MAST2: variants seen among roughly 807,000 people sequenced by gnomAD.
MAST2 encodes the protein microtubule-associated serine/threonine-protein kinase 2.
A neutral mutation model predicts 147.4 loss-of-function variants in MAST2; 70 were observed. The ratio of observed to expected loss-of-function variants is 0.47; its 90% CI spans 0.39 to 0.58. The LOEUF (loss-of-function observed/expected upper bound fraction) is 0.58. Among genes scored for constraint, MAST2 ranks in the 20% least tolerant of loss-of-function variants. The pLI is 0.00. For synonymous variants in MAST2, 869 were observed against 896.8 expected (o/e 0.97, Z 0.55); for missense variants, 2,080 against 2,302.3 (o/e 0.90, Z 1.98).
intron 5 of MAST2, among the ~76,000 whole-genome samples, chr1:45,994,022 G>C (rs1400497222): frequency 6.6e-6 from 1 of 152,146 alleles, no homozygotes; most frequent in Non-Finnish European, 1.5e-5. Context: ...CCAACACAAA[G>C]CTTCCAGTGC....
chr1:46,030,643 G>A lies in MAST2; in HGVS notation c.2590G>A (p.Glu864Lys). 4.3e-6 allele frequency: 7 copies of A among 1,611,668 alleles called. No individual in the cohort carries two copies. Among genetic ancestry groups the A allele is most frequent in the Non-Finnish European group, 5.9e-6 (7 of 1,179,318 alleles). ...SSMERLSLLE[E>K]RRTPPPTKRS... ...CATGGAGCGGCTCTCACTGCTCGAG[G>A]AGCGCCGGACACCACCCCCGACCAA... Residue 864 changes from glutamate to lysine, a missense_variant, in exon 22 of 29, where the codon GAG (glutamate) becomes AAG (lysine). By Grantham distance (56) the Glu-to-Lys change is moderately conservative. Around this residue, in one of 4 missense-constraint regions of MAST2, gnomAD observed 1,278 missense variants for 1,304.2 expected, o/e 0.98. Transcript: ENST00000361297.
chr1:45,972,575 G>A (rs942892611), intron 5 of MAST2, among the ~76,000 whole-genome samples: 1 of 152,136 alleles, frequency 6.6e-6, no homozygotes, highest in Non-Finnish European at 1.5e-5. Context: ...TCCCTGACAC[G>A]TATAGACTCC....
At chr1:45,850,988 C>T (rs1044522848) in intron 3 of MAST2, among the ~76,000 whole-genome samples, 3 of 151,906 alleles carry the variant, frequency 2.0e-5, no homozygotes, top group African/African-American at 7.3e-5. Context: ...ATAGTTCTTT[C>T]TAGTTCTGTG....
intron 1 of MAST2, among the ~76,000 whole-genome samples, chr1:45,823,957 GCTC>G (rs1644714781): frequency 6.6e-6 from 1 of 151,952 alleles, no homozygotes; most frequent in African/African-American, 2.4e-5. Context: ...CCTGTATTTA[GCTC>G]CTCTTATAGG....
In MAST2 at chr1:46,030,727, C is replaced by A; in HGVS notation, c.2674C>A (p.Arg892=). The A allele has an allele frequency of 1.9e-6, 3 of 1,596,640 alleles. No homozygotes were observed. ...HSDGLAGLKG[R]DRSWVIGSPE... is the part of the protein sequence containing the mutation. ...AGATGGCCTGGCAGGGCTCAAAGGC[C>A]GAGACCGGAGCTGGGTGATTGGCTC... Residue 892 remains arginine (R), a synonymous_variant, in exon 22 of 29, where the codon CGA becomes AGA. Coordinates refer to ENST00000361297, the MANE Select transcript of MAST2 (RefSeq NM_015112.3).
Position 46,028,892 on chromosome 1 carries a change from T to C in MAST2, c.2177T>C (p.Phe726Ser). The C allele has an allele frequency of 6.2e-7, 1 of 1,611,604 alleles. No individual in the cohort carries two copies. The highest frequency in any genetic ancestry group is 8.5e-7 in the Non-Finnish European group (1 of 1,178,960). The change falls in exon 18 of 29, where the codon TTT becomes TCT. Residue 726 changes from phenylalanine to serine, a missense_variant. Transcript: ENST00000361297. ...TTCCTGGTGGGCTGCGTCCCTTTTTTTGGAGATACTCCGGAGGAGCTCTTT... is the reference window on the plus strand; with the variant it reads ...TTCCTGGTGGGCTGCGTCCCTTTTTCTGGAGATACTCCGGAGGAGCTCTTT... ...YEFLVGCVPF[F>S]GDTPEELFGQ...
chr1:45,820,596 C>T (rs772454528), intron 1 of MAST2, among the ~76,000 whole-genome samples: 19 of 151,972 alleles, frequency 1.3e-4, no homozygotes, highest in Admixed American at 2.0e-4. Context: ...TTTTTTAATG[C>T]TTTTGTCTTT....
intron 16 of MAST2, 69 bp downstream of exon 16, chr1:46,025,884 C>T (rs1455499485): frequency 9.5e-6 from 15 of 1,586,066 alleles, no homozygotes; most frequent in Non-Finnish European, 1.3e-5. Context: ...TGTTGGCAAG[C>T]ACAGTAGCTC....
intron 5 of MAST2, among the ~76,000 whole-genome samples, chr1:45,972,379 ACCCAGAAGAGGG>A (rs1643948501): frequency 1.3e-5 from 2 of 152,196 alleles, no homozygotes; most frequent in Non-Finnish European, 2.9e-5. Context: ...TTTACTCCAT[ACCCAGAAGAGGG>A]GAAAAGTTTC....
intron 4 of MAST2, among the ~76,000 whole-genome samples, chr1:45,941,835 A>G (rs1047483064): frequency 3.9e-5 from 6 of 152,212 alleles, no homozygotes; most frequent in African/African-American, 1.4e-4. Flanking sequence ...ATCTATTGAG[A>G]TGGTTGTGTA....
chr1:45,989,973 A>G (rs557833410), intron 5 of MAST2, among the ~76,000 whole-genome samples: 1 of 152,340 alleles, frequency 6.6e-6, no homozygotes, highest in Non-Finnish European at 1.5e-5. Flanking sequence ...ATGTTTATCC[A>G]TCATCTATTG....
At chr1:45,806,276 T>C (rs138194967) in intron 1 of MAST2, among the ~76,000 whole-genome samples, 63 of 152,374 alleles carry the variant, frequency 4.1e-4, no homozygotes, top group South Asian at 2.5e-3. Flanking sequence ...TGTGTACTGT[T>C]TTGTGACCAG....
At chr1:45,832,147 A>G (rs950181112) in intron 3 of MAST2, among the ~76,000 whole-genome samples, 3 of 152,068 alleles carry the variant, frequency 2.0e-5, no homozygotes, top group African/African-American at 2.4e-5. Context: ...TGGTCCCAAC[A>G]TGTCTATTAA....
At chr1:45,901,428 G>A (rs1649745085) in intron 4 of MAST2, among the ~76,000 whole-genome samples, 1 of 152,154 alleles carries the variant, frequency 6.6e-6, no homozygotes, top group African/African-American at 2.4e-5. Context: ...TTGAAGTCGA[G>A]TAGTGTGATG....
At chr1:45,929,385 G>T (rs141484293) in intron 4 of MAST2, among the ~76,000 whole-genome samples, 4 of 152,270 alleles carry the variant, frequency 2.6e-5, no homozygotes, top group Non-Finnish European at 4.4e-5. Flanking sequence ...AGAGCAGCAG[G>T]GGGGGAGTTG....
intron 4 of MAST2, among the ~76,000 whole-genome samples, chr1:45,905,263 A>T (rs140598520): frequency 6.1e-4 from 85 of 139,066 alleles, no homozygotes; most frequent in African/African-American, 2.2e-3. Flanking sequence ...TGCAACCTCC[A>T]CCTCCCAGGT....
chr1:46,029,194 C>T (rs1646536825), intron 18 of MAST2: 1 of 548,858 alleles, frequency 1.8e-6, no homozygotes, highest in Non-Finnish European at 3.2e-6. Flanking sequence ...TGTATGTGCA[C>T]ATCCCATAAG....
chr1:45,883,375 C>T (rs1011951268), intron 4 of MAST2, among the ~76,000 whole-genome samples: 4 of 152,174 alleles, frequency 2.6e-5, no homozygotes, highest in Non-Finnish European at 5.9e-5. Context: ...AAATTTTCCT[C>T]TGAGGTTTTT....
At chr1:45,913,785 C>T in intron 4 of MAST2, 2 of 1,123,134 alleles carry the variant, frequency 1.8e-6, no homozygotes, top group Non-Finnish European at 2.2e-6. Context: ...AGAGAACTTC[C>T]TACCAAGACT....
Sources: gnomAD v4.1 joint callset for allele counts (sites outside exome capture counted in the v4.1 genomes callset) on GRCh38, gnomAD v4.1.1 for gene constraint, gnomAD v4.1.1 regional missense constraint, MANE v1.5 for transcripts, NCBI Gene and HGNC (gene_info 2026-07-23, HGNC 2026-07-21) for gene names.